Variants in PDE9A observed in about 807,000 individuals in gnomAD.
PDE9A encodes the protein phosphodiesterase 9A.
A neutral mutation model predicts 87.4 loss-of-function variants in PDE9A; 60 were observed. That is an observed-to-expected ratio of 0.69 (90% CI 0.56 to 0.85). PDE9A has a LOEUF of 0.85. Ranked by LOEUF, PDE9A falls within the 40% of genes least tolerant of loss-of-function variation. The pLI, the probability that PDE9A is intolerant of heterozygous loss-of-function variation, is 0.00. For missense variants in PDE9A, 665 were observed against 779.0 expected, an observed-to-expected ratio of 0.85 and a Z score of 1.74; for synonymous variants, 272 against 279.4, an observed-to-expected ratio of 0.97 and a Z score of 0.27.
intron 1 of PDE9A, among the ~76,000 whole-genome samples, chr21:42,670,181 A>G (rs897767169): frequency 8.6e-5 from 12 of 140,160 alleles, no homozygotes; most frequent in African/African-American, 2.5e-4. Flanking sequence ...ACGCACACAT[A>G]CACTTACACA....
intron 3 of PDE9A, chr21:42,689,682 G>T: frequency 1.0e-6 from 1 of 985,428 alleles, no homozygotes; most frequent in African/African-American, 1.7e-5. Flanking sequence ...CTGGCCCCAG[G>T]TGCCTTATTA....
chr21:42,732,262 G>A (rs1017626062), intron 6 of PDE9A, 138 bp downstream of exon 6: 14 of 764,510 alleles, frequency 1.8e-5, no homozygotes, highest in Middle Eastern at 3.4e-4. Flanking sequence ...CTGCCCGCAC[G>A]GTGGAAGCCT....
At position 42,670,173 on chromosome 21, in the gene PDE9A, G is replaced by A. The variant is rs887485922; in HGVS notation, c.70-16019G>A. Among the ~76,000 whole-genome samples the A allele has an allele frequency of 3.7e-4, 51 of 138,994 alleles. 1 individual carries two copies. The highest frequency in any genetic ancestry group is 2.2e-3 in the Admixed American group (32 of 14,342). The allele number at this position is 138,994 out of a possible 152,430, so 91.2% of individuals were successfully genotyped here. On this transcript the variant is annotated intron_variant, in intron 1 of 19. Coordinates refer to ENST00000291539, the MANE Select transcript of PDE9A (RefSeq NM_002606.3). ...CATTCACACGCACACACATTCACAC[G>A]CACACATACACTTACACACATTCAC...
chr21:42,746,220 C>T (rs145082421), intron 8 of PDE9A, among the ~76,000 whole-genome samples: 12 of 152,322 alleles, frequency 7.9e-5, no homozygotes, highest in Admixed American at 2.6e-4. Flanking sequence ...TGCACTAGTC[C>T]TGCAGGTCAG....
intron 1 of PDE9A, among the ~76,000 whole-genome samples, chr21:42,664,774 A>C (rs976442337): frequency 2.8e-4 from 43 of 152,228 alleles, no homozygotes; most frequent in Admixed American, 2.4e-3. Context: ...GATGCCTCCT[A>C]TTTGGGTACA....
At chr21:42,725,199 TC>T (rs2050909774) in intron 4 of PDE9A, among the ~76,000 whole-genome samples, 1 of 151,770 alleles carries the variant, frequency 6.6e-6, no homozygotes, top group African/African-American at 2.4e-5. Context: ...TGGATCCCTG[TC>T]CCCTGGCAAC....
At chr21:42,769,784 A>G (rs1023519718) in intron 17 of PDE9A, among the ~76,000 whole-genome samples, 1 of 124,968 alleles carries the variant, frequency 8.0e-6, no homozygotes, top group Non-Finnish European at 1.7e-5. Flanking sequence ...ACAGGTACAC[A>G]CAGGCACACC....
intron 10 of PDE9A, chr21:42,758,498 G>C (rs1432217185): frequency 6.6e-6 from 1 of 152,644 alleles, no homozygotes; most frequent in Non-Finnish European, 1.5e-5. Flanking sequence ...AAGCTCCTTC[G>C]ATCCCCAGCC....
Position 42,670,626 on chromosome 21 carries a change from C to G in PDE9A, c.70-15566C>G, listed in dbSNP as rs374422144. Among the ~76,000 whole-genome samples the G allele has an allele frequency of 5.3e-3, 807 of 152,058 alleles. 2 individuals carry two copies. The highest frequency in any genetic ancestry group is 0.017 in the African/African-American group (713 of 41,470). On this transcript the variant is annotated intron_variant, in intron 1 of 19. Coordinates refer to ENST00000291539, the MANE Select transcript of PDE9A (RefSeq NM_002606.3). ...GCACTCACACACTATCACATTCACACACACATACACTTACAAACTATCATT... is the reference window on the plus strand; with the variant it reads ...GCACTCACACACTATCACATTCACAGACACATACACTTACAAACTATCATT...
intron 1 of PDE9A, among the ~76,000 whole-genome samples, chr21:42,681,662 C>G (rs761142739): frequency 6.6e-6 from 1 of 152,164 alleles, no homozygotes; most frequent in Non-Finnish European, 1.5e-5. Context: ...TTTCTCTCAT[C>G]TTGCTTTAAT....
At chr21:42,711,527 G>A (rs912996521) in intron 4 of PDE9A, among the ~76,000 whole-genome samples, 1 of 151,844 alleles carries the variant, frequency 6.6e-6, no homozygotes. Context: ...CTGAGCCACC[G>A]CACCAGGCCC....
At position 42,760,967 on chromosome 21, in the gene PDE9A, C is replaced by T; in HGVS notation, c.1085+60C>T. 9.2e-7 allele frequency: 1 copy of T among 1,084,936 alleles called. No homozygotes were observed. The highest frequency in any genetic ancestry group is 1.4e-6 in the Non-Finnish European group (1 of 700,300). 67.2% of individuals were successfully genotyped at this position (1,084,936 alleles called of 1,614,324 possible). ...AAGGCACCCTGGCTACTGGAGGGAA[C>T]CTGTCAGCCCAACCCTCAGAGCAGT... On this transcript the variant is annotated intron_variant, in intron 13 of 19. Coordinates refer to ENST00000291539, the MANE Select transcript of PDE9A (RefSeq NM_002606.3). This position sits in a 1 kb window ranked among gnomAD's most constrained non-coding sequence, Gnocchi z 5.2.
intron 4 of PDE9A, among the ~76,000 whole-genome samples, chr21:42,707,095 C>T (rs938772696): frequency 6.6e-6 from 1 of 152,142 alleles, no homozygotes; most frequent in African/African-American, 2.4e-5. Flanking sequence ...CTGCTGCAAA[C>T]GTTTGTGTGC....
chr21:42,686,392 A>G, intron 2 of PDE9A, 130 bp downstream of exon 2: 1 of 697,726 alleles, frequency 1.4e-6, no homozygotes, highest in Non-Finnish European at 2.5e-6. Flanking sequence ...GCTCTTCGAA[A>G]TCAATCAATG....
intron 6 of PDE9A, among the ~76,000 whole-genome samples, chr21:42,733,049 G>A (rs1216615006): frequency 2.0e-5 from 3 of 152,258 alleles, no homozygotes; most frequent in Non-Finnish European, 1.5e-5. Context: ...TCAACTGCAT[G>A]AGCAGAGAGA....
At chr21:42,745,331 A>C (rs2053734175) in intron 8 of PDE9A, among the ~76,000 whole-genome samples, 1 of 152,046 alleles carries the variant, frequency 6.6e-6, no homozygotes, top group African/African-American at 2.4e-5. Context: ...TGTCCCATGC[A>C]CTCATGGGCT....
At chr21:42,746,229 AG>A (rs1212721284) in intron 8 of PDE9A, among the ~76,000 whole-genome samples, 6 of 152,232 alleles carry the variant, frequency 3.9e-5, no homozygotes, top group Non-Finnish European at 8.8e-5. Flanking sequence ...CCTGCAGGTC[AG>A]GTTGAGGTTG....
At chr21:42,674,316 C>CTTTTTTTTTTTTTTTTTTTTTTTTTT (rs34238765) in intron 1 of PDE9A, among the ~76,000 whole-genome samples, 1 of 134,608 alleles carries the variant, frequency 7.4e-6, no homozygotes, top group Non-Finnish European at 1.6e-5. Flanking sequence ...TTTAGACATT[C>CTTTTTTTTTTTTTTTTTTTTTTTTTT]TTTTTTTTTT....
intron 4 of PDE9A, among the ~76,000 whole-genome samples, chr21:42,730,065 G>A (rs74812131): frequency 6.6e-6 from 1 of 152,302 alleles, no homozygotes. Flanking sequence ...TACTCTCAAA[G>A]GTTATGTGAT....
Sources: gnomAD v4.1 joint callset for allele counts (sites outside exome capture counted in the v4.1 genomes callset) on GRCh38, gnomAD v4.1.1 for gene constraint, Gnocchi (gnomAD v3.1) non-coding constraint, MANE v1.5 for transcripts, NCBI Gene and HGNC (gene_info 2026-07-23, HGNC 2026-07-21) for gene names.